The following EFCAB3 variants were observed in gnomAD, a reference collection of about 807,000 sequenced individuals.
EFCAB3 encodes EF-hand calcium-binding domain-containing protein 3.
In EFCAB3, 36 loss-of-function variants were observed where a neutral mutation model predicts 42.2. That is an observed-to-expected ratio of 0.85 (90% CI 0.65 to 1.13). The LOEUF (loss-of-function observed/expected upper bound fraction) is 1.13, where lower values mean the gene tolerates loss of function less well. EFCAB3 is among the 50% of genes most tolerant of loss of function. The probability of loss-of-function intolerance (pLI) is 0.00; values close to 1 mark genes in which losing one functional copy is unlikely to be tolerated. For missense variants in EFCAB3, 418 were observed against 505.1 expected (o/e 0.83, Z 1.65); for synonymous variants, 170 against 172.8 (o/e 0.98, Z 0.13).
At chr17:62,390,706 C>T (rs2070295792) in intron 3 of EFCAB3, among the ~76,000 whole-genome samples, 1 of 152,164 alleles carries the variant, frequency 6.6e-6, no homozygotes, top group Admixed American at 6.5e-5. Flanking sequence ...TTGGTTCCAG[C>T]CCTAGAGAAG....
upstream of EFCAB3, chr17:62,378,118 A>G (rs2070164802): frequency 2.0e-6 from 2 of 981,272 alleles, no homozygotes; most frequent in Admixed American, 5.4e-5. Flanking sequence ...TTGTCTTGTC[A>G]GTTTCTATCC....
rs997893191 is a variant in EFCAB3, at chr17:62,406,648, A to G, written c.657A>G (p.Leu219=). Residue 219 remains leucine (L), a synonymous_variant, in exon 7 of 10, where the codon TTA becomes TTG. Coordinates refer to ENST00000305286, the MANE Select transcript of EFCAB3 (RefSeq NM_173503.4). The part of the protein sequence containing the change: ...ARIAIMKEKD[L]FKFLEELKRC... ...TTGCAATAATGAAAGAAAAGGATTT[A>G]TTTAAATTTCTTGAAGAGCTCAAGA... 5 of 1,613,898 alleles carry G rather than the reference A, an allele frequency of 3.1e-6. No individual in the cohort carries two copies. The African/African-American group carries it at 6.7e-5, about 22-fold the overall frequency.
At position 62,394,345 on chromosome 17, in the gene EFCAB3, G is replaced by A. The variant is rs2070331308; in HGVS notation, c.367+701G>A. 2.6e-5 allele frequency among the ~76,000 whole-genome samples: 4 copies of A among 152,202 alleles called. No individual in the cohort carries two copies. In the South Asian group the frequency reaches 8.3e-4, roughly 32 times the overall value. On this transcript the variant is annotated intron_variant, in intron 5 of 9. Transcript: ENST00000305286. ...ATTTATGTTTCAGAAAAAGAAAAAT[G>A]TACTCTCTCATGTAAATCTAGGGTG...
At chr17:62,406,437 A>G (rs773612623) in intron 6 of EFCAB3, 43 bp from the exon 7 acceptor site, 2 of 1,494,886 alleles carry the variant, frequency 1.3e-6, no homozygotes, top group Admixed American at 2.4e-5. Flanking sequence ...TTTTTGTCCT[A>G]TGTCTCTTTG....
intron 6 of EFCAB3, among the ~76,000 whole-genome samples, chr17:62,401,665 A>C (rs1167406619): frequency 6.6e-6 from 1 of 152,212 alleles, no homozygotes; most frequent in East Asian, 1.9e-4. Flanking sequence ...TTTTGGTACC[A>C]GTACCATGCT....
At chr17:62,406,007 G>A (rs1001405494) in intron 6 of EFCAB3, among the ~76,000 whole-genome samples, 6 of 149,132 alleles carry the variant, frequency 4.0e-5, no homozygotes, top group Non-Finnish European at 8.8e-5. Context: ...ATTAATGTTT[G>A]CATTCAAGCT....
chr17:62,411,731 G>A (rs1282941529), intron 8 of EFCAB3, among the ~76,000 whole-genome samples: 1 of 147,914 alleles, frequency 6.8e-6, no homozygotes, highest in African/African-American at 2.5e-5. Context: ...TTGCACCACT[G>A]CACTCCAGCC....
At chr17:62,398,541 G>C (rs373441631) in intron 6 of EFCAB3, among the ~76,000 whole-genome samples, 3 of 150,678 alleles carry the variant, frequency 2.0e-5, no homozygotes, top group Admixed American at 6.6e-5. Context: ...TAGTGGCACA[G>C]GCCTGTCGTC....
At chr17:62,376,854 T>C (rs1476091524), upstream of EFCAB3, among the ~76,000 whole-genome samples, 1 of 152,210 alleles carries the variant, frequency 6.6e-6, no homozygotes, top group African/African-American at 2.4e-5. Context: ...TCTAAAACTT[T>C]ACTTACTAGG....
chr17:62,373,868 G>A lies in EFCAB3; in HGVS notation c.88+1G>A, dbSNP rs1480644970. The A allele has an allele frequency of 2.1e-6, 3 of 1,427,572 alleles. No homozygotes were observed. Among genetic ancestry groups the A allele is most frequent in the Admixed American group, 4.1e-5 (2 of 49,080 alleles). 88.4% of individuals were successfully genotyped at this position (1,427,572 alleles called of 1,614,324 possible). ...ATGGAGGGCCTGAAGAAGTTTAAACGTAAGTGAAAATTTATTATACAATAT... is the reference window on the plus strand; with the variant it reads ...ATGGAGGGCCTGAAGAAGTTTAAACATAAGTGAAAATTTATTATACAATAT... On this transcript the variant is annotated splice_donor_variant, in intron 2 of 11. Transcript: ENST00000450662. LOFTEE classifies it high-confidence loss of function.
At chr17:62,414,372 C>A (rs1467193439) in intron 9 of EFCAB3, among the ~76,000 whole-genome samples, 3 of 152,212 alleles carry the variant, frequency 2.0e-5, no homozygotes, top group Admixed American at 6.5e-5. Context: ...CAGCTGCCAC[C>A]TATGTACTGA....
intron 4 of EFCAB3, 47 bp from the exon 5 acceptor site, chr17:62,393,526 T>C (rs1406906546): frequency 7.0e-7 from 1 of 1,428,174 alleles, no homozygotes. Context: ...ACTCTGATAA[T>C]TAAAATACAT....
intron 8 of EFCAB3, among the ~76,000 whole-genome samples, chr17:62,410,794 G>A (rs2070488755): frequency 6.6e-6 from 1 of 152,076 alleles, no homozygotes; most frequent in African/African-American, 2.4e-5. Context: ...GGGTTTAGAT[G>A]CCCATTCAGG....
At chr17:62,383,241 C>T (rs753409809) in intron 2 of EFCAB3, 188 bp downstream of exon 2, 5 of 482,814 alleles carry the variant, frequency 1.0e-5, no homozygotes, top group Middle Eastern at 5.4e-4. Context: ...TTTGGGAGGC[C>T]GAGGTGGGCG....
intron 6 of EFCAB3, among the ~76,000 whole-genome samples, chr17:62,396,961 T>C (rs561898448): frequency 3.3e-5 from 5 of 152,312 alleles, no homozygotes; most frequent in Admixed American, 3.3e-4. Flanking sequence ...AATTAGTATA[T>C]ACTATCATCA....
At chr17:62,404,396 G>T (rs2070430982) in intron 6 of EFCAB3, among the ~76,000 whole-genome samples, 1 of 152,148 alleles carries the variant, frequency 6.6e-6, no homozygotes, top group Non-Finnish European at 1.5e-5. Flanking sequence ...TACTCAGGAG[G>T]CAGAGGCAGA....
chr17:62,399,096 C>T (rs551089546), intron 6 of EFCAB3, among the ~76,000 whole-genome samples: 17 of 152,196 alleles, frequency 1.1e-4, no homozygotes, highest in Middle Eastern at 3.4e-3. Flanking sequence ...TCCTACAGCA[C>T]CAAATGAGTC....
chr17:62,392,039 T>C (rs2070307354), intron 4 of EFCAB3, 74 bp downstream of exon 4: 1 of 1,413,088 alleles, frequency 7.1e-7, no homozygotes, highest in Non-Finnish European at 9.4e-7. Context: ...TTAATGACTG[T>C]ATAAACATGA....
At chr17:62,394,625 C>T (rs2070333811) in intron 5 of EFCAB3, among the ~76,000 whole-genome samples, 1 of 152,142 alleles carries the variant, frequency 6.6e-6, no homozygotes, top group Non-Finnish European at 1.5e-5. Flanking sequence ...AAAAGCTAAC[C>T]ATTATTCATG....
Sources: gnomAD v4.1 joint callset for allele counts (sites outside exome capture counted in the v4.1 genomes callset) on GRCh38, gnomAD v4.1.1 for gene constraint, MANE v1.5 for transcripts, NCBI Gene and HGNC (gene_info 2026-07-23, HGNC 2026-07-21) for gene names.